SRD5A2: variants seen among roughly 807,000 people sequenced by gnomAD.
The protein encoded by SRD5A2 is 3-oxo-5-alpha-steroid 4-dehydrogenase 2.
SRD5A2 carries 30 observed loss-of-function variants against 27.4 expected under a neutral mutation model. The observed-to-expected ratio is 1.10, with a 90% CI of 0.82 to 1.49. The LOEUF (loss-of-function observed/expected upper bound fraction) is 1.49, where lower values mean the gene tolerates loss of function less well. Among genes scored for constraint, SRD5A2 ranks in the 40% most tolerant of loss-of-function variants. SRD5A2 has a pLI of 0.00. For missense variants in SRD5A2, 348 were observed against 323.4 expected (o/e 1.08, Z -0.58); for synonymous variants, 141 against 133.6 (o/e 1.06, Z -0.38).
At chr2:31,612,853 A>C in the SRD5A2 span, among the ~76,000 whole-genome samples, 1 of 152,198 alleles carries the variant, frequency 6.6e-6, no homozygotes, top group Admixed American at 6.5e-5. Flanking sequence ...GAAAGCCCAG[A>C]TATAAACTTA....
At chr2:31,622,268 G>A in the SRD5A2 span, among the ~76,000 whole-genome samples, 2 of 152,004 alleles carry the variant, frequency 1.3e-5, no homozygotes, top group African/African-American at 4.8e-5. Flanking sequence ...ATGGCTTCCA[G>A]CTCCATCCAT....
At chr2:31,540,951 T>C (rs1666117253) in intron 1 of SRD5A2, among the ~76,000 whole-genome samples, 1 of 152,206 alleles carries the variant, frequency 6.6e-6, no homozygotes, top group African/African-American at 2.4e-5. Context: ...TCTTTGCTGT[T>C]ACACCTTATT....
At chr2:31,577,937 A>G (rs984183263) in intron 1 of SRD5A2, among the ~76,000 whole-genome samples, 1 of 152,212 alleles carries the variant, frequency 6.6e-6, no homozygotes, top group Admixed American at 6.5e-5. Flanking sequence ...TCACCCCAAG[A>G]CAAATTAAAT....
intron 1 of SRD5A2, among the ~76,000 whole-genome samples, chr2:31,546,378 A>G (rs1458243095): frequency 6.6e-6 from 1 of 152,244 alleles, no homozygotes; most frequent in African/African-American, 2.4e-5. Flanking sequence ...AGACAAAGAC[A>G]TGCAATCTAC....
chr2:31,574,948 G>T lies in SRD5A2; in HGVS notation c.281+5672C>A, dbSNP rs113180456. Among the ~76,000 whole-genome samples the T allele has an allele frequency of 3.1e-3, 466 of 152,304 alleles. 3 individuals are homozygous for T. Among genetic ancestry groups the T allele is most frequent in the African/African-American group, 0.011 (446 of 41,564 alleles). On this transcript the variant is annotated intron_variant, in intron 1 of 4. Coordinates refer to ENST00000622030, the MANE Select transcript of SRD5A2 (RefSeq NM_000348.4). ...CTGTAGCTGCTTTCCCGCTATAACA[G>T]TAGGGGTGAGTTGCTGCAATAGAGA...
chr2:31,652,926 A>T, the SRD5A2 span, among the ~76,000 whole-genome samples: 1 of 151,980 alleles, frequency 6.6e-6, no homozygotes, highest in African/African-American at 2.4e-5. Context: ...AATGTGTGAG[A>T]CTCTGCACTA....
At chr2:31,609,581 T>C in the SRD5A2 span, among the ~76,000 whole-genome samples, 35 of 152,070 alleles carry the variant, frequency 2.3e-4, no homozygotes, top group Admixed American at 2.2e-3. Flanking sequence ...TAAAATAAAA[T>C]AGGACCCTTA....
At chr2:31,643,192 G>T in the SRD5A2 span, among the ~76,000 whole-genome samples, 2 of 152,032 alleles carry the variant, frequency 1.3e-5, no homozygotes, top group Admixed American at 6.6e-5. Flanking sequence ...CAAGGAAATT[G>T]GCAAATTTTA....
At chr2:31,577,653 A>G (rs1053005505) in intron 1 of SRD5A2, among the ~76,000 whole-genome samples, 1 of 152,190 alleles carries the variant, frequency 6.6e-6, no homozygotes, top group African/African-American at 2.4e-5. Context: ...AACCTGAGCC[A>G]TCCTTTCTCC....
intron 1 of SRD5A2, among the ~76,000 whole-genome samples, chr2:31,547,095 T>C (rs13429955): frequency 0.21 from 32,283 of 150,916 alleles, 5,533 homozygotes; most frequent in African/African-American, 0.48. Flanking sequence ...TGAAACTCCA[T>C]CTCAAAAAAT....
chr2:31,542,051 T>C (rs1276724429), intron 1 of SRD5A2, among the ~76,000 whole-genome samples: 2 of 152,202 alleles, frequency 1.3e-5, no homozygotes, highest in Non-Finnish European at 2.9e-5. Context: ...AGTGCTGTGC[T>C]GGGCTTAGAA....
At chr2:31,556,501 G>T (rs1310744430) in intron 1 of SRD5A2, among the ~76,000 whole-genome samples, 1 of 152,166 alleles carries the variant, frequency 6.6e-6, no homozygotes, top group Non-Finnish European at 1.5e-5. Flanking sequence ...ATCCACGTGG[G>T]CCCTAGATGC....
the SRD5A2 span, among the ~76,000 whole-genome samples, chr2:31,640,240 AT>A: frequency 6.0e-5 from 9 of 150,784 alleles, no homozygotes; most frequent in Middle Eastern, 9.5e-3. Context: ...ACATTTTTGA[AT>A]TGCTTTTCTG....
chr2:31,635,818 A>G, the SRD5A2 span, among the ~76,000 whole-genome samples: 2 of 151,972 alleles, frequency 1.3e-5, no homozygotes, highest in Non-Finnish European at 2.9e-5. Context: ...TTCTTTTCCC[A>G]TTGTATGTTC....
chr2:31,644,634 C>T, the SRD5A2 span, among the ~76,000 whole-genome samples: 1 of 152,172 alleles, frequency 6.6e-6, no homozygotes, highest in Non-Finnish European at 1.5e-5. Context: ...TGCTGTGTGG[C>T]CCGGTTCCTA....
chr2:31,566,569 A>T (rs1666733308), intron 1 of SRD5A2, among the ~76,000 whole-genome samples: 1 of 152,174 alleles, frequency 6.6e-6, no homozygotes, highest in Non-Finnish European at 1.5e-5. Context: ...GACTTTGCCA[A>T]GTGCTACTTT....
chr2:31,545,269 C>T (rs1478489165), intron 1 of SRD5A2, among the ~76,000 whole-genome samples: 1 of 151,908 alleles, frequency 6.6e-6, no homozygotes, highest in Non-Finnish European at 1.5e-5. Context: ...GACACAGACA[C>T]TATCAGAAAA....
chr2:31,631,417 C>T, the SRD5A2 span, among the ~76,000 whole-genome samples: 7 of 152,244 alleles, frequency 4.6e-5, no homozygotes, highest in Non-Finnish European at 8.8e-5. Context: ...GGACACTCTA[C>T]GACTAATGCT....
chr2:31,592,147 G>A, the SRD5A2 span, among the ~76,000 whole-genome samples: 4 of 150,230 alleles, frequency 2.7e-5, no homozygotes, highest in Admixed American at 2.6e-4. Context: ...AAACACAGGA[G>A]TTTCAGCAAT....
Sources: gnomAD v4.1 joint callset for allele counts (sites outside exome capture counted in the v4.1 genomes callset) on GRCh38, gnomAD v4.1.1 for gene constraint, MANE v1.5 for transcripts, NCBI Gene and HGNC (gene_info 2026-07-23, HGNC 2026-07-21) for gene names.